The following CARNMT1 variants were observed in gnomAD, a reference collection of about 807,000 sequenced individuals.
CARNMT1 encodes the protein carnosine N-methyltransferase 1, also known as protein-L-histidine N-pros-methyltransferase CARNMT1.
A neutral mutation model predicts 49.6 loss-of-function variants in CARNMT1; 28 were observed. The ratio of observed to expected loss-of-function variants is 0.56; its 90% CI spans 0.42 to 0.77. The LOEUF (loss-of-function observed/expected upper bound fraction) is 0.77, where lower values mean the gene tolerates loss of function less well. Ranked by LOEUF, CARNMT1 falls within the 30% of genes least tolerant of loss-of-function variation. The probability of loss-of-function intolerance (pLI) is 0.00; values close to 1 mark genes in which losing one functional copy is unlikely to be tolerated. For synonymous variants in CARNMT1, 178 were observed against 175.0 expected, an observed-to-expected ratio of 1.02 and a Z score of -0.13; for missense variants, 421 against 512.6, an observed-to-expected ratio of 0.82 and a Z score of 1.73.
At chr9:75,010,601 GTA>G (rs1180010814) in intron 3 of CARNMT1, among the ~76,000 whole-genome samples, 1 of 152,148 alleles carries the variant, frequency 6.6e-6, no homozygotes, top group Non-Finnish European at 1.5e-5. Flanking sequence ...TAACATACAT[GTA>G]ACTGGAATAC....
intron 3 of CARNMT1, chr9:75,009,880 A>T (rs926465411): frequency 5.3e-5 from 8 of 152,224 alleles, no homozygotes; most frequent in Non-Finnish European, 1.0e-4. Context: ...AAACAGTCGC[A>T]CAAACAGAAT....
chr9:75,018,804 C>T (rs2118862241), intron 1 of CARNMT1, among the ~76,000 whole-genome samples: 1 of 152,108 alleles, frequency 6.6e-6, no homozygotes, highest in Non-Finnish European at 1.5e-5. Context: ...CCCATCTCTA[C>T]TAAAATATAA....
chr9:75,007,135 A>G (rs1272514045), intron 3 of CARNMT1, among the ~76,000 whole-genome samples: 3 of 152,222 alleles, frequency 2.0e-5, no homozygotes, highest in Non-Finnish European at 4.4e-5. Flanking sequence ...ACTTTATAGA[A>G]AGTATTAAAC....
intron 3 of CARNMT1, among the ~76,000 whole-genome samples, chr9:75,008,597 C>T (rs532216005): frequency 9.2e-5 from 14 of 152,312 alleles, no homozygotes; most frequent in African/African-American, 3.1e-4. Context: ...TGAGCCACCA[C>T]GCCTGGCCAC....
Position 74,983,538 on chromosome 9 carries a change from C to T in CARNMT1, c.*229G>A, listed in dbSNP as rs61743046. 12 of 341,668 alleles carry T rather than the reference C, an allele frequency of 3.5e-5. No individual in the cohort carries two copies. Among genetic ancestry groups the T allele is most frequent in the Non-Finnish European group, 5.3e-5 (10 of 188,496 alleles). 21.2% of individuals were successfully genotyped at this position (341,668 alleles called of 1,614,324 possible). A position where few individuals can be genotyped will look rare whatever the true frequency, so the allele number is the denominator to read the frequency against. ...TTCAAGGAAAAAGTATACTTCAAGA[C>T]ATTTCCTCCATTTTTACTTGTGTAG... On this transcript the variant is annotated 3_prime_UTR_variant, in exon 8 of 8. Transcript: ENST00000376834.
intron 3 of CARNMT1, among the ~76,000 whole-genome samples, chr9:75,010,457 A>T (rs1833654269): frequency 6.6e-6 from 1 of 152,186 alleles, no homozygotes; most frequent in African/African-American, 2.4e-5. Context: ...TCAGCAGATT[A>T]GCATAGTAAA....
upstream of CARNMT1, chr9:75,028,352 T>A: frequency 7.7e-7 from 1 of 1,303,484 alleles, no homozygotes; most frequent in Non-Finnish European, 9.7e-7. Context: ...TGCCCCCAGC[T>A]CGCGGCGCGC....
chr9:75,016,630 A>G (rs532276862), intron 2 of CARNMT1, 199 bp from the exon 3 acceptor site: 1 of 533,880 alleles, frequency 1.9e-6, no homozygotes, highest in South Asian at 2.8e-5. Context: ...TCAAAAGATT[A>G]AGGTCCATTA....
chr9:75,003,478 C>CT (rs1833421319), intron 3 of CARNMT1, among the ~76,000 whole-genome samples: 2 of 152,230 alleles, frequency 1.3e-5, no homozygotes, highest in African/African-American at 4.8e-5. Context: ...TGCAACAAGG[C>CT]GCTAAGCAGT....
intron 3 of CARNMT1, among the ~76,000 whole-genome samples, chr9:75,006,917 T>C (rs1833527815): frequency 6.6e-6 from 1 of 152,202 alleles, no homozygotes; most frequent in African/African-American, 2.4e-5. Context: ...CTTTTTAGTA[T>C]TGCTGACACT....
Position 74,982,914 on chromosome 9 carries a change from A to G in CARNMT1, c.*853T>C, listed in dbSNP as rs1832724221. 1 of 152,172 alleles carries G rather than the reference A, an allele frequency of 6.6e-6. No homozygotes were observed. The allele number at this position is 152,172 out of a possible 1,614,324, so 9.4% of individuals were successfully genotyped here. On this transcript the variant is annotated 3_prime_UTR_variant, in exon 8 of 8. Transcript: ENST00000376834. ...TGATCCATGATGAGTATGCTTTCAT[A>G]AAGTGTTCAGTTTATTGTGGCCAAA...
chr9:75,027,143 T>A (rs1822555210), intron 1 of CARNMT1: 1 of 1,301,618 alleles, frequency 7.7e-7, no homozygotes, highest in Non-Finnish European at 1.0e-6. Flanking sequence ...ATAAAAGTGT[T>A]ATCTTCACCT....
rs1222726476 is a variant in CARNMT1 at position 74,980,830 on chromosome 9, T to C, written c.*2937A>G. ...GGATTCTAACTTTATTACAGTGAAC[T>C]TGAATGAAACAAAGTGAAAATAGTT... On this transcript the variant is annotated 3_prime_UTR_variant, in exon 8 of 8. Transcript: ENST00000376834. Among the ~76,000 whole-genome samples the C allele has an allele frequency of 1.3e-5, 2 of 152,160 alleles. No homozygotes were observed. Among genetic ancestry groups the C allele is most frequent in the South Asian group, 2.1e-4 (1 of 4,836 alleles).
chr9:75,014,041 A>AC (rs1304018195), intron 3 of CARNMT1, among the ~76,000 whole-genome samples: 8 of 126,728 alleles, frequency 6.3e-5, no homozygotes, highest in Admixed American at 5.4e-4. Context: ...AAAAAAAAAA[A>AC]CCCCAAGAAT....
chr9:75,007,820 G>A (rs1215381255), intron 3 of CARNMT1, among the ~76,000 whole-genome samples: 1 of 150,794 alleles, frequency 6.6e-6, no homozygotes, highest in African/African-American at 2.4e-5. Context: ...ACTCAATGGT[G>A]AAAGACTGAA....
intron 3 of CARNMT1, among the ~76,000 whole-genome samples, chr9:75,005,312 G>A (rs1833468525): frequency 7.0e-6 from 1 of 141,856 alleles, no homozygotes; most frequent in South Asian, 2.1e-4. Flanking sequence ...ACAAAAGCAA[G>A]TCGATCTGTG....
chr9:75,028,347 C>G, upstream of CARNMT1: 1 of 1,305,292 alleles, frequency 7.7e-7, no homozygotes, highest in South Asian at 2.3e-5. Flanking sequence ...GGACATGCCC[C>G]CAGCTCGCGG....
chr9:75,002,276 C>A (rs1833381308), intron 3 of CARNMT1, among the ~76,000 whole-genome samples: 1 of 152,212 alleles, frequency 6.6e-6, no homozygotes, highest in Non-Finnish European at 1.5e-5. Flanking sequence ...GATCTTTGCA[C>A]TGCAGTTGTA....
chr9:74,984,845 T>G, intron 7 of CARNMT1, 62 bp downstream of exon 7: 1 of 1,051,192 alleles, frequency 9.5e-7, no homozygotes, highest in Non-Finnish European at 1.5e-6. Flanking sequence ...AGCCATGATA[T>G]CAACACTTCT....
Sources: allele counts gnomAD v4.1 joint callset (sites outside exome capture counted in the v4.1 genomes callset), GRCh38; gene constraint gnomAD v4.1.1; transcripts MANE v1.5; gene names NCBI Gene and HGNC (gene_info 2026-07-23, HGNC 2026-07-21).